Variants in DENND5A observed in about 807,000 individuals in gnomAD.
DENND5A encodes the protein DENN domain-containing protein 5A.
In DENND5A, 64 loss-of-function variants were observed where a neutral mutation model predicts 140.3. The observed-to-expected ratio is 0.46, with a 90% confidence interval of 0.37 to 0.56. The LOEUF is 0.56. Among genes scored for constraint, DENND5A ranks in the 20% least tolerant of loss-of-function variants. DENND5A has a pLI of 0.00. For synonymous variants in DENND5A, 605 were observed against 607.7 expected (o/e 1.00, Z 0.07); for missense variants, 1,292 against 1,593.8 (o/e 0.81, Z 3.22).
chr11:9,181,695 C>T (rs1231770217), intron 5 of DENND5A, among the ~76,000 whole-genome samples: 3 of 152,130 alleles, frequency 2.0e-5, no homozygotes, highest in African/African-American at 7.2e-5. Context: ...GCCATGATCA[C>T]ACCACTGCAC....
In DENND5A at chr11:9,193,694, C is replaced by A. The variant is rs1244808656; in HGVS notation, c.950-13G>T. The A allele has an allele frequency of 7.6e-6, 12 of 1,587,814 alleles. No homozygotes were observed. The highest frequency in any genetic ancestry group is 1.7e-4 in the Middle Eastern group (1 of 5,906). On this transcript the variant is annotated splice_polypyrimidine_tract_variant and intron_variant, in intron 4 of 22. Coordinates refer to ENST00000328194, the MANE Select transcript of DENND5A (RefSeq NM_015213.4). ...AGTCTCTGGTAATCTGGGTCAACAACAACAAAAAAAGCACACACACAAATC... is the reference window on the plus strand; with the variant it reads ...AGTCTCTGGTAATCTGGGTCAACAAAAACAAAAAAAGCACACACACAAATC...
intron 1 of DENND5A, among the ~76,000 whole-genome samples, chr11:9,252,658 C>T (rs1442835135): frequency 6.6e-6 from 1 of 151,686 alleles, no homozygotes; most frequent in Non-Finnish European, 1.5e-5. Flanking sequence ...AAAAAAAAAC[C>T]AAAAAACTGA....
Position 9,200,261 on chromosome 11 carries a change from G to A in DENND5A, c.949+3399C>T, listed in dbSNP as rs1849479163. On this transcript the variant is annotated intron_variant, in intron 4 of 22. Coordinates refer to ENST00000328194, the MANE Select transcript of DENND5A (RefSeq NM_015213.4). Reference sequence around the variant, plus strand: ...AGTTTGGTTTCCTCCTCTCTGTTCTGTTCTAAACCAGAGAAGTTCCTCCCT... The same window carrying A: ...AGTTTGGTTTCCTCCTCTCTGTTCTATTCTAAACCAGAGAAGTTCCTCCCT... 2.0e-5 allele frequency among the ~76,000 whole-genome samples: 3 copies of A among 152,078 alleles called. No individual in the cohort carries two copies. The South Asian group carries it at 6.2e-4, about 32-fold the overall frequency.
chr11:9,239,970 T>C (rs777103953), intron 1 of DENND5A, among the ~76,000 whole-genome samples: 1 of 152,186 alleles, frequency 6.6e-6, no homozygotes, highest in Admixed American at 6.5e-5. Context: ...GAATAAATCA[T>C]AGAGATTATG....
chr11:9,168,650 G>A (rs1288041878), intron 10 of DENND5A, among the ~76,000 whole-genome samples: 1 of 151,978 alleles, frequency 6.6e-6, no homozygotes, highest in Non-Finnish European at 1.5e-5. Flanking sequence ...AAATCCCAGT[G>A]CAACTGTATC....
At chr11:9,251,284 G>T (rs1451995037) in intron 1 of DENND5A, among the ~76,000 whole-genome samples, 3 of 152,076 alleles carry the variant, frequency 2.0e-5, no homozygotes, top group African/African-American at 7.2e-5. Context: ...AACCCAGCTA[G>T]TTCAGTACAT....
At chr11:9,176,838 C>T (rs555777414) in intron 8 of DENND5A, 2 of 455,946 alleles carry the variant, frequency 4.4e-6, no homozygotes, top group Non-Finnish European at 8.8e-6. Flanking sequence ...ACATTATACC[C>T]AGTTCAATGT....
At position 9,207,907 on chromosome 11, in the gene DENND5A, T is replaced by TA. The variant is rs142224997; in HGVS notation, c.110-276_110-275insT. On this transcript the variant is annotated intron_variant, in intron 1 of 22. Coordinates refer to ENST00000328194, the MANE Select transcript of DENND5A (RefSeq NM_015213.4). Reference sequence around the variant, plus strand: ...TTATCATAATTCAGTTTGAAAAACATTATAATACGGTATAGTAGAACGAAG... The same window carrying TA: ...TTATCATAATTCAGTTTGAAAAACATATATAATACGGTATAGTAGAACGAAG... Among the ~76,000 whole-genome samples the TA allele has an allele frequency of 4.0e-3, 610 of 152,316 alleles. 6 individuals are homozygous for TA. Among genetic ancestry groups the TA allele is most frequent in the African/African-American group, 0.014 (588 of 41,572 alleles).
chr11:9,210,680 A>C (rs920858692), intron 1 of DENND5A, among the ~76,000 whole-genome samples: 3 of 152,122 alleles, frequency 2.0e-5, no homozygotes, highest in Admixed American at 6.6e-5. Flanking sequence ...AGTAGCTAGG[A>C]CCACCACGCC....
intron 1 of DENND5A, among the ~76,000 whole-genome samples, chr11:9,227,449 T>C (rs1850578757): frequency 2.0e-5 from 3 of 152,282 alleles, no homozygotes; most frequent in South Asian, 2.1e-4. Flanking sequence ...CACATTTTAG[T>C]AAATGTGTAC....
At chr11:9,240,071 T>A (rs925200792) in intron 1 of DENND5A, among the ~76,000 whole-genome samples, 1 of 152,176 alleles carries the variant, frequency 6.6e-6, no homozygotes, top group African/African-American at 2.4e-5. Context: ...ACTCTTTCCC[T>A]CTCTTGAACC....
chr11:9,167,475 TAAAAAAAA>T (rs547949319), intron 10 of DENND5A, among the ~76,000 whole-genome samples: 1 of 119,450 alleles, frequency 8.4e-6, no homozygotes, highest in Non-Finnish European at 1.7e-5. Flanking sequence ...GATGAAAGAT[TAAAAAAAA>T]AAAAAAAAAG....
chr11:9,180,991 C>T lies in DENND5A; in HGVS notation c.1231G>A (p.Val411Ile). 6.2e-7 allele frequency: 1 copy of T among 1,614,204 alleles called. No individual in the cohort carries two copies. Among genetic ancestry groups the T allele is most frequent in the Non-Finnish European group, 8.5e-7 (1 of 1,180,044 alleles). The change falls in exon 6 of 23, where the codon GTC becomes ATC. Residue 411 changes from valine to isoleucine, a missense_variant. Val to Ile is a conservative substitution (Grantham distance 29). Transcript: ENST00000328194. The part of the protein sequence containing the change: ...FPNKLEFVQE[V>I]SEILMAFGIP... The stretch of plus-strand genomic sequence containing the variant: ...CCAAATGCCATGAGAATCTCAGAGA[C>T]TTCCTGGACAAACTCCAATTTGTTG...
At chr11:9,258,906 C>T (rs1852069207) in intron 1 of DENND5A, among the ~76,000 whole-genome samples, 1 of 152,130 alleles carries the variant, frequency 6.6e-6, no homozygotes, top group Non-Finnish European at 1.5e-5. Flanking sequence ...TTTGACTAGT[C>T]CTCTAGCTTT....
At chr11:9,210,672 T>C (rs1249522645) in intron 1 of DENND5A, among the ~76,000 whole-genome samples, 1 of 152,036 alleles carries the variant, frequency 6.6e-6, no homozygotes, top group Non-Finnish European at 1.5e-5. Context: ...GCCTCCAGAG[T>C]AGCTAGGACC....
chr11:9,161,207 G>T lies in DENND5A; in HGVS notation c.2284-342C>A, dbSNP rs535700350. On this transcript the variant is annotated intron_variant, in intron 11 of 22. Coordinates refer to ENST00000328194, the MANE Select transcript of DENND5A (RefSeq NM_015213.4). ...TTAAAAATACAAAAAAATTAGCCAG[G>T]TGTGGTGGCGGGCGCCTGTGGTCCC... Among the ~76,000 whole-genome samples the T allele has an allele frequency of 7.9e-5, 12 of 152,336 alleles. No individual in the cohort carries two copies. In the South Asian group the frequency reaches 2.5e-3, roughly 32 times the overall value.
rs1852390558 is a variant in DENND5A at position 9,265,129 on chromosome 11, G to A, written c.-60C>T. The A allele has an allele frequency of 9.6e-7, 1 of 1,041,766 alleles. No homozygotes were observed. Among genetic ancestry groups the A allele is most frequent in the Non-Finnish European group, 1.2e-6 (1 of 843,802 alleles). The allele number at this position is 1,041,766 out of a possible 1,614,324, so 64.5% of individuals were successfully genotyped here. On this transcript the variant is annotated 5_prime_UTR_variant, in exon 1 of 23. Transcript: ENST00000328194. This position sits in a 1 kb window ranked among gnomAD's most constrained non-coding sequence, Gnocchi z 4.7. ...GCGGCACCGAGCCCCCGCAACCCGG[G>A]CGCCCGCCCGTCCGCCCTCAGGCCG...
At chr11:9,233,291 C>G (rs1850850646) in intron 1 of DENND5A, among the ~76,000 whole-genome samples, 1 of 150,868 alleles carries the variant, frequency 6.6e-6, no homozygotes, top group Non-Finnish European at 1.5e-5. Context: ...CCCAGCTACT[C>G]AGGAGGCTGA....
chr11:9,207,552 T>TACACA lies in DENND5A; in HGVS notation c.181+8_181+9insTGTGT, dbSNP rs1470031119. ...GCTTTGGGTGTTCTCAATTTTGTTT[T>TACACA]GTTTTTACCTTCAGTCGTACTTGAA... On this transcript the variant is annotated intron_variant, in intron 2 of 22. Transcript: ENST00000328194. 6.2e-7 allele frequency: 1 copy of TACACA among 1,609,896 alleles called. No homozygotes were observed. Among genetic ancestry groups the TACACA allele is most frequent in the South Asian group, 1.1e-5 (1 of 90,974 alleles).
Sources: gnomAD v4.1 joint callset for allele counts (sites outside exome capture counted in the v4.1 genomes callset) on GRCh38, gnomAD v4.1.1 for gene constraint, Gnocchi (gnomAD v3.1) non-coding constraint, MANE v1.5 for transcripts, NCBI Gene and HGNC (gene_info 2026-07-23, HGNC 2026-07-21) for gene names.